The following ZNF141 variants were observed in gnomAD, a reference collection of about 807,000 sequenced individuals.
ZNF141 encodes zinc finger protein 141.
A neutral mutation model predicts 11.3 loss-of-function variants in ZNF141; 7 were observed. The observed-to-expected ratio is 0.62, with a 90% CI of 0.35 to 1.16. The LOEUF is 1.16. ZNF141 is among the 50% of genes most tolerant of loss of function. ZNF141 has a pLI of 0.02. For synonymous variants in ZNF141, 183 were observed against 190.7 expected, an observed-to-expected ratio of 0.96 and a Z score of 0.33; for missense variants, 535 against 554.0, an observed-to-expected ratio of 0.97 and a Z score of 0.34.
intron 3 of ZNF141, among the ~76,000 whole-genome samples, chr4:353,466 ATTTTT>A (rs200906693): frequency 7.4e-6 from 1 of 134,604 alleles, no homozygotes; most frequent in Non-Finnish European, 1.6e-5. Context: ...TATTATTATT[ATTTTT>A]TTTTTTTTGG....
In ZNF141 at chr4:373,326, A is replaced by T. The variant is rs782089022; in HGVS notation, c.889A>T (p.Asn297Tyr). 6.2e-7 allele frequency: 1 copy of T among 1,612,402 alleles called. No homozygotes were observed. The highest frequency in any genetic ancestry group is 8.5e-7 in the Non-Finnish European group (1 of 1,179,510). The change falls in exon 4 of 4, where the codon AAC becomes TAC. Residue 297 changes from asparagine to tyrosine, a missense_variant. Coordinates refer to ENST00000240499, the MANE Select transcript of ZNF141 (RefSeq NM_003441.4). ...ECRKIFTSSSNFAKHKRIHTG... is the reference protein window; with the variant it reads ...ECRKIFTSSSYFAKHKRIHTG... ...TAGGAAAATCTTTACCTCATCCTCAAACTTTGCCAAACATAAGCGAATTCA... is the reference window on the plus strand; with the variant it reads ...TAGGAAAATCTTTACCTCATCCTCATACTTTGCCAAACATAAGCGAATTCA...
At chr4:362,468 A>C (rs1473121472) in intron 3 of ZNF141, among the ~76,000 whole-genome samples, 7 of 152,100 alleles carry the variant, frequency 4.6e-5, no homozygotes, top group Non-Finnish European at 1.0e-4. Context: ...CTGTGTCCTA[A>C]ATGGTATTGC....
intron 3 of ZNF141, among the ~76,000 whole-genome samples, chr4:364,931 C>G (rs369806912): frequency 2.0e-5 from 3 of 152,248 alleles, no homozygotes; most frequent in Admixed American, 1.3e-4. Context: ...TGCCCTCCCC[C>G]CAGAGGTGGA....
At chr4:357,866 C>T (rs1030488998) in intron 3 of ZNF141, among the ~76,000 whole-genome samples, 7 of 151,620 alleles carry the variant, frequency 4.6e-5, no homozygotes, top group South Asian at 4.2e-4. Context: ...CCACCACGCC[C>T]GACTAATTTT....
chr4:347,256 C>T (rs1396170409), intron 3 of ZNF141, among the ~76,000 whole-genome samples: 3 of 151,414 alleles, frequency 2.0e-5, no homozygotes, highest in East Asian at 3.9e-4. Flanking sequence ...AGGCTAGTCT[C>T]GAACTCCCGA....
intron 3 of ZNF141, among the ~76,000 whole-genome samples, chr4:366,115 G>A (rs1452277204): frequency 6.6e-6 from 1 of 151,960 alleles, no homozygotes; most frequent in African/African-American, 2.4e-5. Flanking sequence ...GCTATTTGGG[G>A]GTCTTTGGTT....
chr4:340,039 T>G (rs935429933), intron 1 of ZNF141, among the ~76,000 whole-genome samples: 1 of 152,376 alleles, frequency 6.6e-6, no homozygotes, highest in East Asian at 1.9e-4. Context: ...AGTCTCTTAG[T>G]AGACTGCCTG....
Position 355,680 on chromosome 4 carries a change from C to T in ZNF141, c.226+11250C>T, listed in dbSNP as rs184171094. On this transcript the variant is annotated intron_variant, in intron 3 of 3. Coordinates refer to ENST00000240499, the MANE Select transcript of ZNF141 (RefSeq NM_003441.4). ...GCAGCATATTGTTGATTTTTAAAAT[C>T]GATTCAGACATTCTGTGAATGTTTT... 3.3e-5 allele frequency among the ~76,000 whole-genome samples: 5 copies of T among 152,184 alleles called. No individual in the cohort carries two copies. The East Asian group carries it at 9.7e-4, about 29-fold the overall frequency.
At chr4:361,121 A>G (rs1722086657) in intron 3 of ZNF141, among the ~76,000 whole-genome samples, 1 of 152,226 alleles carries the variant, frequency 6.6e-6, no homozygotes, top group Admixed American at 6.5e-5. Flanking sequence ...TTTCAAGTAC[A>G]GTCTAGTGGA....
chr4:339,970 C>A (rs1030009066), intron 1 of ZNF141, among the ~76,000 whole-genome samples: 2 of 152,192 alleles, frequency 1.3e-5, no homozygotes, highest in African/African-American at 4.8e-5. Context: ...ATGTATGATA[C>A]ATGGTACTGT....
rs1391099139 is a variant in ZNF141 at position 374,010 on chromosome 4, CATAAG to C, written c.*150_*154del. ...TACCTCATTCTCAAACCTTGATAAA[CATAAG>C]AGAATTCATACCGGAGAGAAACTGT... On this transcript the variant is annotated 3_prime_UTR_variant, in exon 4 of 4. Coordinates refer to ENST00000240499, the MANE Select transcript of ZNF141 (RefSeq NM_003441.4). 11 of 740,718 alleles carry C rather than the reference CATAAG, an allele frequency of 1.5e-5. No homozygotes were observed. In the East Asian group the frequency reaches 1.8e-4, roughly 12 times the overall value. 45.9% of individuals were successfully genotyped at this position (740,718 alleles called of 1,614,324 possible).
chr4:371,484 C>T (rs2108652475), intron 3 of ZNF141, among the ~76,000 whole-genome samples: 1 of 151,848 alleles, frequency 6.6e-6, no homozygotes, highest in Admixed American at 6.6e-5. Context: ...CCCTCCTCGG[C>T]CTCCCAAAGT....
In ZNF141 at chr4:373,604, T is replaced by C; in HGVS notation, c.1167T>C (p.His389=). 6.2e-7 allele frequency: 1 copy of C among 1,614,092 alleles called. No individual in the cohort carries two copies. The highest frequency in any genetic ancestry group is 8.5e-7 in the Non-Finnish European group (1 of 1,179,988). Reference sequence around the variant, plus strand: ...TCCTGAATGAACATAAAAAAATTCATACTGGAGAGAAACCCTACAAATGTG... The same window carrying C: ...TCCTGAATGAACATAAAAAAATTCACACTGGAGAGAAACCCTACAAATGTG... ...SRVLNEHKKI[H]TGEKPYKCEE... is the part of the protein sequence containing the mutation. The change falls in exon 4 of 4, where the codon CAT becomes CAC. Residue 389 remains histidine, a synonymous_variant. Coordinates refer to ENST00000240499, the MANE Select transcript of ZNF141 (RefSeq NM_003441.4).
rs1213915524 is a variant in ZNF141, at chr4:375,854, A to G, written c.*1992A>G. On this transcript the variant is annotated 3_prime_UTR_variant, in exon 4 of 4. Transcript: ENST00000240499. ...TGGGCATTATTTGTGAATTTTTACA[A>G]GAAAGAGTGAGGACAGAAATGAAAG... is the stretch of plus-strand genomic sequence containing the variant. 6.7e-6 allele frequency among the ~76,000 whole-genome samples: 1 copy of G among 150,324 alleles called. No individual in the cohort carries two copies. Among genetic ancestry groups the G allele is most frequent in the Non-Finnish European group, 1.5e-5 (1 of 67,912 alleles).
At chr4:342,654 A>G (rs1465333052) in intron 1 of ZNF141, among the ~76,000 whole-genome samples, 3 of 152,260 alleles carry the variant, frequency 2.0e-5, no homozygotes, top group Non-Finnish European at 4.4e-5. Context: ...CTCTCAGCCC[A>G]GTCTTCCAGT....
At chr4:355,550 T>C (rs1180883506) in intron 3 of ZNF141, among the ~76,000 whole-genome samples, 4 of 152,196 alleles carry the variant, frequency 2.6e-5, no homozygotes, top group Admixed American at 6.5e-5. Flanking sequence ...CATATAAATA[T>C]AGGCATTCCT....
At chr4:359,055 C>T (rs1721987319) in intron 3 of ZNF141, among the ~76,000 whole-genome samples, 1 of 152,118 alleles carries the variant, frequency 6.6e-6, no homozygotes. Context: ...GGAGTAAATA[C>T]TTCTTTCAGT....
rs1471531133 is a variant in ZNF141, at chr4:381,532, C to T, written c.*7670C>T. 6.6e-6 allele frequency among the ~76,000 whole-genome samples: 1 copy of T among 151,432 alleles called. No individual in the cohort carries two copies. Among genetic ancestry groups the T allele is most frequent in the Admixed American group, 6.6e-5 (1 of 15,178 alleles). The stretch of plus-strand genomic sequence containing the variant: ...CACACAATTTGCCTGCCTCAGCCCC[C>T]TGAGTAGCTGGGACTAACAGGTGCG... On this transcript the variant is annotated 3_prime_UTR_variant, in exon 4 of 4. Transcript: ENST00000240499.
At chr4:356,836 T>C (rs1721862866) in intron 3 of ZNF141, among the ~76,000 whole-genome samples, 1 of 152,192 alleles carries the variant, frequency 6.6e-6, no homozygotes, top group South Asian at 2.1e-4. Context: ...TTGTGTTTTC[T>C]TGAATTTTTG....
Sources: allele counts gnomAD v4.1 joint callset (sites outside exome capture counted in the v4.1 genomes callset), GRCh38; gene constraint gnomAD v4.1.1; transcripts MANE v1.5; gene names NCBI Gene and HGNC (gene_info 2026-07-23, HGNC 2026-07-21).